Variants in SLC25A40 observed in about 807,000 individuals in gnomAD.
The protein encoded by SLC25A40 is solute carrier family 25 member 40.
In SLC25A40, 41 loss-of-function variants were observed where a neutral mutation model predicts 46.5. The observed-to-expected ratio is 0.88, with a 90% CI of 0.69 to 1.14. The LOEUF (loss-of-function observed/expected upper bound fraction) is 1.14. SLC25A40 is among the 50% of genes most tolerant of loss of function. The pLI is 0.00. For missense variants in SLC25A40, 386 were observed against 393.6 expected, an observed-to-expected ratio of 0.98 and a Z score of 0.16; for synonymous variants, 126 against 127.5, an observed-to-expected ratio of 0.99 and a Z score of 0.08.
chr7:87,867,128 T>C (rs1838814903), intron 1 of SLC25A40, among the ~76,000 whole-genome samples: 1 of 152,250 alleles, frequency 6.6e-6, no homozygotes, highest in South Asian at 2.1e-4. Context: ...TTCTCAGACC[T>C]TCCTATAACT....
chr7:87,864,584 T>C (rs78335447), intron 1 of SLC25A40, among the ~76,000 whole-genome samples: 4,086 of 152,330 alleles, frequency 0.027, 121 homozygotes, highest in East Asian at 0.092. Flanking sequence ...TGTCTCTTTT[T>C]ACAGTCTTTG....
At chr7:87,851,889 G>C (rs1838517897) in intron 5 of SLC25A40, among the ~76,000 whole-genome samples, 1 of 152,146 alleles carries the variant, frequency 6.6e-6, no homozygotes, top group Admixed American at 6.5e-5. Flanking sequence ...ACTTACAAAG[G>C]AAGGCAGGAA....
intron 10 of SLC25A40, among the ~76,000 whole-genome samples, chr7:87,841,373 A>C (rs1388803744): frequency 1.3e-5 from 2 of 151,804 alleles, no homozygotes; most frequent in African/African-American, 4.8e-5. Flanking sequence ...TAAATGACAA[A>C]GATTATTTCT....
chr7:87,859,850 C>T lies in SLC25A40; in HGVS notation c.-25+722G>A, dbSNP rs146397109. Among the ~76,000 whole-genome samples, 748 of 152,142 alleles carry T rather than the reference C, an allele frequency of 4.9e-3. 7 individuals carry two copies. Among genetic ancestry groups the T allele is most frequent in the African/African-American group, 0.017 (717 of 41,486 alleles). On this transcript the variant is annotated intron_variant, in intron 2 of 11. Transcript: ENST00000341119. Reference sequence around the variant, plus strand: ...TACATATATATATTTTTGTAACCTTCCTACAATTACTGTAGGAAAGATAGT... The same window carrying T: ...TACATATATATATTTTTGTAACCTTTCTACAATTACTGTAGGAAAGATAGT...
In SLC25A40 at chr7:87,864,784, C is replaced by A. The variant is rs186624490; in HGVS notation, c.-93-4144G>T. 6.3e-4 allele frequency among the ~76,000 whole-genome samples: 96 copies of A among 152,246 alleles called. 2 individuals are homozygous for A. Among genetic ancestry groups the A allele is most frequent in the Non-Finnish European group, 3.8e-4 (26 of 68,006 alleles). On this transcript the variant is annotated intron_variant, in intron 1 of 11. Coordinates refer to ENST00000341119, the MANE Select transcript of SLC25A40 (RefSeq NM_018843.4). ...CATTTAGCCATTCTGTGTCTTTAAG[C>A]TGAGAACTGAATCTATTTCTATTCT...
At chr7:87,843,659 A>G in intron 9 of SLC25A40, 95 bp downstream of exon 9, 2 of 854,708 alleles carry the variant, frequency 2.3e-6, no homozygotes, top group Non-Finnish European at 3.6e-6. Flanking sequence ...AGTGCAGCCA[A>G]AGTGGATCTC....
intron 6 of SLC25A40, among the ~76,000 whole-genome samples, chr7:87,849,475 C>T (rs1304159733): frequency 6.6e-6 from 1 of 152,144 alleles, no homozygotes; most frequent in Non-Finnish European, 1.5e-5. Context: ...AACCCATGCT[C>T]AATAAAAGCC....
rs1838232602 is a variant in SLC25A40 at position 87,834,489 on chromosome 7, G to A, written c.*1760C>T. ...TTGCATGTATATGTGTTAAAAAAAC[G>A]ACTAGGCAATTAGATTTACTTATCT... On this transcript the variant is annotated 3_prime_UTR_variant, in exon 12 of 12. Transcript: ENST00000341119. 1 of 151,306 alleles carries A rather than the reference G, an allele frequency of 6.6e-6. No homozygotes were observed. The highest frequency in any genetic ancestry group is 2.1e-4 in the South Asian group (1 of 4,812). The allele number at this position is 151,306 out of a possible 1,614,324, so 9.4% of individuals were successfully genotyped here.
rs1838822436 is a variant in SLC25A40, at chr7:87,867,494, T to G, written c.-93-6854A>C. On this transcript the variant is annotated intron_variant, in intron 1 of 11. Transcript: ENST00000341119. ...TTTGATAAATTTCTGGAATTTTTTT[T>G]TGTTTTATCTTGGAGATCACTAAGT... is the stretch of plus-strand genomic sequence containing the variant. Among the ~76,000 whole-genome samples the G allele has an allele frequency of 2.0e-5, 3 of 152,232 alleles. No individual in the cohort carries two copies. The South Asian group carries it at 6.2e-4, about 31-fold the overall frequency.
intron 8 of SLC25A40, 126 bp downstream of exon 8, chr7:87,846,823 G>A: frequency 1.6e-6 from 1 of 614,666 alleles, no homozygotes; most frequent in Non-Finnish European, 2.5e-6. Flanking sequence ...AATGAAAAAG[G>A]AGTTTGTGGT....
chr7:87,846,502 T>C (rs528841730), intron 8 of SLC25A40, among the ~76,000 whole-genome samples: 81 of 152,292 alleles, frequency 5.3e-4, no homozygotes, highest in African/African-American at 1.9e-3. Context: ...TGATTTGTAA[T>C]AGTCTTTTAC....
intron 9 of SLC25A40, chr7:87,842,062 C>A: frequency 2.7e-6 from 1 of 366,672 alleles, no homozygotes; most frequent in South Asian, 2.1e-5. Context: ...CAAGAAGATA[C>A]AACACATATG....
chr7:87,864,482 T>G (rs554343724), intron 1 of SLC25A40, among the ~76,000 whole-genome samples: 1 of 152,250 alleles, frequency 6.6e-6, no homozygotes, highest in Non-Finnish European at 1.5e-5. Flanking sequence ...TAATGTTTGC[T>G]TTATATATCA....
chr7:87,859,054 T>G (rs1838657471), intron 2 of SLC25A40, among the ~76,000 whole-genome samples: 1 of 152,156 alleles, frequency 6.6e-6, no homozygotes, highest in Non-Finnish European at 1.5e-5. Flanking sequence ...CTTAATAAGT[T>G]TTATCTTACA....
chr7:87,874,141 G>A (rs1332099903), intron 1 of SLC25A40, among the ~76,000 whole-genome samples: 1 of 152,152 alleles, frequency 6.6e-6, no homozygotes, highest in African/African-American at 2.4e-5. Flanking sequence ...TAATAGATTA[G>A]AAAATTACTA....
At chr7:87,854,704 C>A (rs978796107) in intron 4 of SLC25A40, among the ~76,000 whole-genome samples, 1 of 149,074 alleles carries the variant, frequency 6.7e-6, no homozygotes, top group Non-Finnish European at 1.5e-5. Context: ...CCCAGCTACT[C>A]GGGAGGCTGA....
chr7:87,852,158 T>A (rs1018524756), intron 5 of SLC25A40, among the ~76,000 whole-genome samples: 5 of 152,170 alleles, frequency 3.3e-5, no homozygotes, highest in Admixed American at 1.3e-4. Context: ...CAAATTAACA[T>A]ACAAGTTGAA....
intron 1 of SLC25A40, among the ~76,000 whole-genome samples, chr7:87,868,041 G>A (rs1330356221): frequency 1.3e-5 from 2 of 152,194 alleles, no homozygotes; most frequent in African/African-American, 2.4e-5. Flanking sequence ...GGTCAGGGAT[G>A]GTGGTACCAC....
At chr7:87,839,943 A>C (rs1243331365) in intron 10 of SLC25A40, among the ~76,000 whole-genome samples, 2 of 151,772 alleles carry the variant, frequency 1.3e-5, no homozygotes, top group Non-Finnish European at 3.0e-5. Context: ...AGTCACTTCT[A>C]AATGGAGCTG....
Sources: allele counts gnomAD v4.1 joint callset (sites outside exome capture counted in the v4.1 genomes callset), GRCh38; gene constraint gnomAD v4.1.1; transcripts MANE v1.5; gene names NCBI Gene and HGNC (gene_info 2026-07-23, HGNC 2026-07-21).